ZDHHC14: variants seen among roughly 807,000 people sequenced by gnomAD.
ZDHHC14 encodes the protein palmitoyltransferase ZDHHC14.
In ZDHHC14, 16 loss-of-function variants were observed where a neutral mutation model predicts 47.7. The ratio of observed to expected loss-of-function variants is 0.34; its 90% CI spans 0.23 to 0.51. The LOEUF (loss-of-function observed/expected upper bound fraction) is 0.51, where lower values mean the gene tolerates loss of function less well. Ranked by LOEUF, ZDHHC14 falls within the 20% of genes least tolerant of loss-of-function variation. The pLI is 0.97. For missense variants in ZDHHC14, 515 were observed against 662.5 expected (o/e 0.78, Z 2.44); for synonymous variants, 293 against 278.9 (o/e 1.05, Z -0.50).
chr6:157,492,194 C>CCCTCCG (rs1554261191), intron 1 of ZDHHC14, among the ~76,000 whole-genome samples: 1 of 128,872 alleles, frequency 7.8e-6, no homozygotes, highest in Non-Finnish European at 1.6e-5. Context: ...TCAACATCCC[C>CCCTCCG]CCTCCGCCCC....
At chr6:157,628,245 T>C in intron 3 of ZDHHC14, 104 bp from the exon 4 acceptor site, 1 of 1,171,654 alleles carries the variant, frequency 8.5e-7, no homozygotes. Context: ...TATCATTGTG[T>C]TATACTATCA....
intron 3 of ZDHHC14, 125 bp downstream of exon 3, chr6:157,593,271 CTGAT>C: frequency 8.2e-7 from 1 of 1,220,254 alleles, no homozygotes; most frequent in South Asian, 1.5e-5. Flanking sequence ...CATGTTGCCA[CTGAT>C]TGAGTTCACC....
intron 8 of ZDHHC14, among the ~76,000 whole-genome samples, chr6:157,669,970 A>G (rs751596091): frequency 7.9e-5 from 12 of 152,258 alleles, no homozygotes; most frequent in Non-Finnish European, 1.6e-4. Flanking sequence ...AAACCCTGGT[A>G]TAGTTTCCAG....
intron 1 of ZDHHC14, among the ~76,000 whole-genome samples, chr6:157,436,965 G>A (rs958844237): frequency 3.3e-5 from 5 of 152,090 alleles, no homozygotes; most frequent in African/African-American, 1.2e-4. Context: ...TTGGGGTTGT[G>A]GAGGAGGCCT....
At chr6:157,402,605 G>A (rs555857915) in intron 1 of ZDHHC14, among the ~76,000 whole-genome samples, 2 of 152,332 alleles carry the variant, frequency 1.3e-5, no homozygotes, top group Non-Finnish European at 2.9e-5. Flanking sequence ...TCTCTTCAGT[G>A]TGAGATTTTT....
chr6:157,630,552 T>G (rs955357748), intron 4 of ZDHHC14: 1 of 147,124 alleles, frequency 6.8e-6, no homozygotes, highest in South Asian at 2.2e-4. Context: ...ACCCACACTC[T>G]CACATACCCT....
intron 8 of ZDHHC14, among the ~76,000 whole-genome samples, chr6:157,662,018 C>T (rs1778362572): frequency 6.6e-6 from 1 of 151,524 alleles, no homozygotes; most frequent in South Asian, 2.1e-4. Flanking sequence ...AAGCATAAGC[C>T]AGGACCCCAA....
At chr6:157,524,362 G>T (rs1182140060) in intron 1 of ZDHHC14, among the ~76,000 whole-genome samples, 1 of 151,990 alleles carries the variant, frequency 6.6e-6, no homozygotes, top group Non-Finnish European at 1.5e-5. Flanking sequence ...TCGAACTCCT[G>T]ACCTCAGGTG....
chr6:157,486,864 C>A (rs1037490561), intron 1 of ZDHHC14, among the ~76,000 whole-genome samples: 2 of 152,184 alleles, frequency 1.3e-5, no homozygotes, highest in East Asian at 3.8e-4. Context: ...GAGCTGAGAA[C>A]TGGGCCTCAT....
chr6:157,535,173 C>T (rs911227678), intron 1 of ZDHHC14, among the ~76,000 whole-genome samples: 2 of 152,142 alleles, frequency 1.3e-5, no homozygotes, highest in East Asian at 3.9e-4. Context: ...CTCTCCTTGT[C>T]TCCCCTCCTC....
chr6:157,382,682 T>G (rs963230712), intron 1 of ZDHHC14, among the ~76,000 whole-genome samples: 1 of 152,178 alleles, frequency 6.6e-6, no homozygotes, highest in Admixed American at 6.5e-5. Context: ...GAACTGACTT[T>G]TTCCCCCTTG....
At chr6:157,485,448 A>G (rs991597467) in intron 1 of ZDHHC14, among the ~76,000 whole-genome samples, 4 of 152,106 alleles carry the variant, frequency 2.6e-5, no homozygotes, top group Non-Finnish European at 4.4e-5. Context: ...TTCCTTTCTG[A>G]GTCTTAGCCC....
intron 8 of ZDHHC14, among the ~76,000 whole-genome samples, chr6:157,666,543 T>C (rs777105750): frequency 5.9e-5 from 9 of 152,236 alleles, no homozygotes; most frequent in Non-Finnish European, 1.3e-4. Flanking sequence ...TAACTGTTAA[T>C]AAGCATTCAT....
intron 1 of ZDHHC14, among the ~76,000 whole-genome samples, chr6:157,452,086 G>C (rs1464486990): frequency 6.6e-6 from 1 of 152,098 alleles, no homozygotes; most frequent in Non-Finnish European, 1.5e-5. Flanking sequence ...TTGATAACCT[G>C]GTCAGTGAGT....
At chr6:157,439,373 G>A (rs1193320648) in intron 1 of ZDHHC14, among the ~76,000 whole-genome samples, 8 of 152,030 alleles carry the variant, frequency 5.3e-5, no homozygotes, top group Admixed American at 5.2e-4. Context: ...CTTCTCAAAG[G>A]AAGACATTTA....
intron 1 of ZDHHC14, among the ~76,000 whole-genome samples, chr6:157,467,376 C>G (rs942570445): frequency 6.6e-6 from 1 of 152,134 alleles, no homozygotes; most frequent in Non-Finnish European, 1.5e-5. Flanking sequence ...TTTTCTGTCT[C>G]TATAGATTTG....
At chr6:157,532,225 A>G (rs1196807419) in intron 1 of ZDHHC14, among the ~76,000 whole-genome samples, 1 of 152,228 alleles carries the variant, frequency 6.6e-6, no homozygotes, top group Admixed American at 6.5e-5. Flanking sequence ...GCAATCTGAA[A>G]CAAGGCAGGG....
At chr6:157,411,616 G>C (rs142517174) in intron 1 of ZDHHC14, among the ~76,000 whole-genome samples, 9 of 152,196 alleles carry the variant, frequency 5.9e-5, no homozygotes, top group Admixed American at 5.9e-4. Context: ...AAAGGTTAAG[G>C]TTAAGGAAAA....
intron 1 of ZDHHC14, among the ~76,000 whole-genome samples, chr6:157,456,274 G>A (rs887127130): frequency 2.6e-5 from 4 of 152,136 alleles, no homozygotes; most frequent in East Asian, 3.9e-4. Flanking sequence ...TTAGCCCTTC[G>A]ATTTTAGCAT....
Sources: allele counts gnomAD v4.1 joint callset (sites outside exome capture counted in the v4.1 genomes callset), GRCh38; gene constraint gnomAD v4.1.1; transcripts MANE v1.5; gene names NCBI Gene and HGNC (gene_info 2026-07-23, HGNC 2026-07-21).